The following RNF157 variants were observed in gnomAD, a reference collection of about 807,000 sequenced individuals.
RNF157 encodes E3 ubiquitin ligase RNF157.
A neutral mutation model predicts 88.3 loss-of-function variants in RNF157; 55 were observed. That is an observed-to-expected ratio of 0.62 (90% confidence interval 0.50 to 0.78). The LOEUF (loss-of-function observed/expected upper bound fraction) is 0.78. RNF157 is among the 30% of genes least tolerant of loss of function. The probability of loss-of-function intolerance (pLI) is 0.00; values close to 1 mark genes in which losing one functional copy is unlikely to be tolerated. For missense variants in RNF157, 788 were observed against 860.8 expected, an observed-to-expected ratio of 0.92 and a Z score of 1.06; for synonymous variants, 334 against 341.2, an observed-to-expected ratio of 0.98 and a Z score of 0.23.
At chr17:76,170,507 GT>G (rs2068997211) in intron 3 of RNF157, among the ~76,000 whole-genome samples, 1 of 152,168 alleles carries the variant, frequency 6.6e-6, no homozygotes, top group Non-Finnish European at 1.5e-5. Flanking sequence ...GAGATTCTCT[GT>G]TTTGACCTTT....
intron 1 of RNF157, chr17:76,225,637 T>A (rs1291053762): frequency 1.0e-6 from 1 of 974,342 alleles, no homozygotes; most frequent in Non-Finnish European, 1.5e-6. Context: ...GACCTCATTG[T>A]TTTTAGTGGC....
intron 1 of RNF157, among the ~76,000 whole-genome samples, chr17:76,235,415 G>C (rs1400523436): frequency 6.6e-6 from 1 of 152,076 alleles, no homozygotes; most frequent in African/African-American, 2.4e-5. Flanking sequence ...AGCCAGGATG[G>C]TCTTGATCTC....
At chr17:76,216,274 T>C (rs1361343269) in intron 1 of RNF157, among the ~76,000 whole-genome samples, 1 of 152,130 alleles carries the variant, frequency 6.6e-6, no homozygotes, top group Non-Finnish European at 1.5e-5. Context: ...CCATGGATGA[T>C]TGGCTTAGAG....
chr17:76,210,324 T>C (rs1485228005), intron 2 of RNF157, among the ~76,000 whole-genome samples: 3 of 152,072 alleles, frequency 2.0e-5, no homozygotes, highest in East Asian at 1.9e-4. Flanking sequence ...CCGGGCGCAG[T>C]GGCTCATGCC....
At chr17:76,235,618 C>T (rs1007405337) in intron 1 of RNF157, among the ~76,000 whole-genome samples, 1 of 152,170 alleles carries the variant, frequency 6.6e-6, no homozygotes, top group African/African-American at 2.4e-5. Flanking sequence ...TTATCCATGC[C>T]TTTAAAAACT....
rs55760274 is a variant in RNF157, at chr17:76,168,428, A to ATTT, written c.297-634_297-632dup. Among the ~76,000 whole-genome samples the ATTT allele has an allele frequency of 2.3e-4, 32 of 141,858 alleles. 1 individual carries two copies. The highest frequency in any genetic ancestry group is 7.7e-4 in the Admixed American group (11 of 14,194). 93.1% of individuals were successfully genotyped at this position (141,858 alleles called of 152,430 possible). A position where few individuals can be genotyped will look rare whatever the true frequency, so the allele number is the denominator to read the frequency against. ...ATAACTTTTTCTTAGTGCTCATCCT[A>ATTT]TTTTTTTTTTTTTCTTCCAGTTGCG... is the stretch of plus-strand genomic sequence containing the variant. On this transcript the variant is annotated intron_variant, in intron 3 of 18. Transcript: ENST00000269391.
chr17:76,238,122 T>C (rs1404504163), intron 1 of RNF157, among the ~76,000 whole-genome samples: 2 of 149,986 alleles, frequency 1.3e-5, no homozygotes, highest in African/African-American at 4.9e-5. Context: ...TAGCTAGGCA[T>C]GGTGGTCATG....
At chr17:76,208,956 A>C (rs2069728660) in intron 2 of RNF157, among the ~76,000 whole-genome samples, 2 of 151,384 alleles carry the variant, frequency 1.3e-5, no homozygotes, top group Admixed American at 1.3e-4. Context: ...CTTGGGTGAC[A>C]GAGTGAGACT....
intron 1 of RNF157, among the ~76,000 whole-genome samples, chr17:76,215,990 T>C (rs1469045898): frequency 6.6e-6 from 1 of 152,240 alleles, no homozygotes; most frequent in Non-Finnish European, 1.5e-5. Context: ...TTGCCTTAAG[T>C]AGAAGCAGCA....
At chr17:76,182,549 T>C (rs1252838712) in intron 2 of RNF157, among the ~76,000 whole-genome samples, 1 of 150,994 alleles carries the variant, frequency 6.6e-6, no homozygotes, top group Non-Finnish European at 1.5e-5. Context: ...ACTCCTACGG[T>C]TGTACTATTT....
At position 76,235,319 on chromosome 17, in the gene RNF157, TC is replaced by T. The variant is rs796590042; in HGVS notation, c.88+4833del. ...TTCACATCATTCTCCTGCCTCAGCC[TC>T]CCGAGTAGTTGGGACTACAGGCTTC... On this transcript the variant is annotated intron_variant, in intron 1 of 18. Coordinates refer to ENST00000269391, the MANE Select transcript of RNF157 (RefSeq NM_052916.3). 1.6e-4 allele frequency among the ~76,000 whole-genome samples: 24 copies of T among 151,894 alleles called. 1 individual carries two copies. Among genetic ancestry groups the T allele is most frequent in the African/African-American group, 5.5e-4 (23 of 41,446 alleles).
At chr17:76,233,927 G>A (rs775963637) in intron 1 of RNF157, among the ~76,000 whole-genome samples, 24 of 152,148 alleles carry the variant, frequency 1.6e-4, no homozygotes, top group African/African-American at 5.8e-4. Context: ...TATATTGACC[G>A]TGTTATACAA....
chr17:76,193,552 C>T lies in RNF157; in HGVS notation c.207+18812G>A, dbSNP rs185112777. 1.1e-3 allele frequency among the ~76,000 whole-genome samples: 167 copies of T among 152,078 alleles called. 1 individual carries two copies. The highest frequency in any genetic ancestry group is 3.9e-3 in the African/African-American group (163 of 41,472). Reference sequence around the variant, plus strand: ...AACAGCTACCCCCACCACCCCCCACCCACGGACACATACAAGTTTCTACCA... The same window carrying T: ...AACAGCTACCCCCACCACCCCCCACTCACGGACACATACAAGTTTCTACCA... On this transcript the variant is annotated intron_variant, in intron 2 of 18. Transcript: ENST00000269391.
In RNF157 at chr17:76,167,656, A is replaced by C; in HGVS notation, c.438T>G (p.Ile146Met). Residue 146 changes from isoleucine to methionine, a missense_variant, in exon 4 of 19, where the codon ATT becomes ATG. Coordinates refer to ENST00000269391, the MANE Select transcript of RNF157 (RefSeq NM_052916.3). ...TCCTGGTCTCCTGATCTTACCTGGC[A>C]ATACCATTCTGGAACTCTTCCGTGG... The part of the protein sequence containing the change: ...YQATEEFQNG[I>M]ASYIPKDNSL... 6.2e-7 allele frequency: 1 copy of C among 1,614,152 alleles called. No individual in the cohort carries two copies. Among genetic ancestry groups the C allele is most frequent in the East Asian group, 2.2e-5 (1 of 44,888 alleles).
chr17:76,213,488 C>T (rs767422156), intron 1 of RNF157, among the ~76,000 whole-genome samples: 5 of 149,174 alleles, frequency 3.4e-5, no homozygotes, highest in Non-Finnish European at 7.4e-5. Context: ...GAGAATCTCT[C>T]GAACCCGGGA....
intron 1 of RNF157, among the ~76,000 whole-genome samples, chr17:76,228,923 C>T (rs958416668): frequency 2.6e-5 from 4 of 151,298 alleles, no homozygotes; most frequent in Admixed American, 2.6e-4. Context: ...GACTCCATTT[C>T]AAAATAATAA....
At chr17:76,200,198 C>T (rs771560759) in intron 2 of RNF157, among the ~76,000 whole-genome samples, 6 of 151,580 alleles carry the variant, frequency 4.0e-5, no homozygotes, top group Non-Finnish European at 8.8e-5. Context: ...GCCAAGATCG[C>T]GCCACTCCAT....
intron 1 of RNF157, among the ~76,000 whole-genome samples, chr17:76,223,317 A>G (rs2070021251): frequency 6.6e-6 from 1 of 150,970 alleles, no homozygotes; most frequent in Non-Finnish European, 1.5e-5. Flanking sequence ...CCTTGCAAGT[A>G]GCTGGGATTA....
intron 1 of RNF157, among the ~76,000 whole-genome samples, chr17:76,239,541 C>CG (rs1190216043): frequency 4.8e-5 from 7 of 145,350 alleles, no homozygotes; most frequent in African/African-American, 1.8e-4. Flanking sequence ...CCACCACCAC[C>CG]CCCCCCACCC....
Sources: allele counts gnomAD v4.1 joint callset (sites outside exome capture counted in the v4.1 genomes callset), GRCh38; gene constraint gnomAD v4.1.1; transcripts MANE v1.5; gene names NCBI Gene and HGNC (gene_info 2026-07-23, HGNC 2026-07-21).